The following KIRREL2 variants were observed in gnomAD, a reference collection of about 807,000 sequenced individuals.
KIRREL2 encodes the protein kin of IRRE-like protein 2.
KIRREL2 carries 56 observed loss-of-function variants against 73.4 expected under a neutral mutation model. The observed-to-expected ratio is 0.76, with a 90% CI of 0.62 to 0.95. KIRREL2 has a LOEUF of 0.95. Among genes scored for constraint, KIRREL2 ranks in the 40% least tolerant of loss-of-function variants. The pLI is 0.00. For synonymous variants in KIRREL2, 407 were observed against 404.0 expected, an observed-to-expected ratio of 1.01 and a Z score of -0.09; for missense variants, 896 against 935.0, an observed-to-expected ratio of 0.96 and a Z score of 0.54.
At chr19:35,859,712 G>A (rs1011107403) in intron 5 of KIRREL2, 81 bp downstream of exon 5, 1 of 1,515,360 alleles carries the variant, frequency 6.6e-7, no homozygotes, top group Non-Finnish European at 8.9e-7. Context: ...GTGGCCCTTG[G>A]GGAATGAGGA....
upstream of KIRREL2, chr19:35,856,067 C>T (rs1163253424): frequency 6.6e-6 from 1 of 152,314 alleles, no homozygotes; most frequent in African/African-American, 2.4e-5. The surrounding 1 kb of genome is among the most constrained non-coding windows in gnomAD (Gnocchi z 5.9). Context: ...CCAGTTCTTA[C>T]AGGTCCAGGA....
chr19:35,862,953 A>G lies in KIRREL2; in HGVS notation c.1642A>G (p.Asn548Asp). 1 of 1,584,150 alleles carries G rather than the reference A, an allele frequency of 6.3e-7. No individual in the cohort carries two copies. Among genetic ancestry groups the G allele is most frequent in the South Asian group, 1.2e-5 (1 of 86,438 alleles). Reference protein sequence around the residue: ...KASASFSEQKNLMRIPGSSDG... With the variant: ...KASASFSEQKDLMRIPGSSDG... ...CTCAGCCTCTTTCTCCGAGCAAAAGAACCTGATGCGAATCCCTGGCAGCAG... is the reference window on the plus strand; with the variant it reads ...CTCAGCCTCTTTCTCCGAGCAAAAGGACCTGATGCGAATCCCTGGCAGCAG... The change falls in exon 13 of 15, where the codon AAC becomes GAC. Residue 548 changes from asparagine to aspartate, a missense_variant. Asn to Asp is a conservative substitution (Grantham distance 23). Coordinates refer to ENST00000360202, the MANE Select transcript of KIRREL2 (RefSeq NM_199180.4).
chr19:35,858,025 A>C (rs1973505377), intron 2 of KIRREL2, among the ~76,000 whole-genome samples: 1 of 151,864 alleles, frequency 6.6e-6, no homozygotes, highest in South Asian at 2.1e-4. Flanking sequence ...AAATGCAAAA[A>C]AGTACAGTAA....
intron 12 of KIRREL2, 141 bp from the exon 13 acceptor site, chr19:35,862,786 C>A: frequency 1.5e-6 from 1 of 686,750 alleles, no homozygotes; most frequent in Non-Finnish European, 2.5e-6. Flanking sequence ...TCACACTCCT[C>A]GGTGGGAATG....
Position 35,862,019 on chromosome 19 carries a change from G to T in KIRREL2, c.1505G>T (p.Arg502Leu). 1 of 1,605,982 alleles carries T rather than the reference G, an allele frequency of 6.2e-7. No homozygotes were observed. Among genetic ancestry groups the T allele is most frequent in the Non-Finnish European group, 8.5e-7 (1 of 1,176,672 alleles). The change falls in exon 11 of 15, where the codon CGT becomes CTT. Residue 502 changes from arginine (R) to leucine (L), a missense_variant. Arg to Leu is a moderately radical substitution (Grantham distance 102, BLOSUM62 -2). Transcript: ENST00000360202. ...GEGGAQASLG[R>L]RDLLPTVRIV... ...GGAGGTGCCCAGGCCAGCCTGGGCC[G>T]TAGAGGTGAGACCCCAGCCCGAAGA...
chr19:35,862,582 T>C lies in KIRREL2; in HGVS notation c.1600T>C (p.Trp534Arg). ...MVITGVALCC[W>R]RHSKASASFS... The stretch of plus-strand genomic sequence containing the variant: ...CATCACTGGGGTGGCCCTCTGCTGC[T>C]GGCGCCACAGCAAGGGTTAGTGCCT... The change falls in exon 12 of 15, where the codon TGG becomes CGG. Residue 534 changes from tryptophan to arginine, a missense_variant. By Grantham distance (101) the Trp-to-Arg change is moderately radical. Transcript: ENST00000360202. 6.2e-7 allele frequency: 1 copy of C among 1,607,796 alleles called. No individual in the cohort carries two copies. Among genetic ancestry groups the C allele is most frequent in the South Asian group, 1.1e-5 (1 of 91,080 alleles).
rs762630821 is a variant in KIRREL2, at chr19:35,860,922, G to A, written c.942G>A (p.Leu314=). 1 of 1,613,756 alleles carries A rather than the reference G, an allele frequency of 6.2e-7. No homozygotes were observed. ...TALDVLFGPI[L]QAKPEPVSVD... Reference sequence around the variant, plus strand: ...TCTTTCGTCCAGTTGGGCCGATTCTGCAGGCAAAGCCGGAGCCCGTGTCCG... The same window carrying A: ...TCTTTCGTCCAGTTGGGCCGATTCTACAGGCAAAGCCGGAGCCCGTGTCCG... The change falls in exon 8 of 15, where the codon CTG becomes CTA. Residue 314 remains leucine (L), a synonymous_variant. Transcript: ENST00000360202.
rs758932437 is a variant in KIRREL2, at chr19:35,866,562, C to G, written c.*70C>G. ...TGGATTGTTCTGATTTCTGAGGAGC[C>G]AGGACAAGTTGGCGACCTTACTCCT... On this transcript the variant is annotated 3_prime_UTR_variant, in exon 15 of 15. Transcript: ENST00000360202. 1 of 1,605,624 alleles carries G rather than the reference C, an allele frequency of 6.2e-7. No individual in the cohort carries two copies. Among genetic ancestry groups the G allele is most frequent in the South Asian group, 1.1e-5 (1 of 89,926 alleles).
chr19:35,861,936 C>A lies in KIRREL2; in HGVS notation c.1422C>A (p.Thr474=). The A allele has an allele frequency of 6.2e-7, 1 of 1,612,970 alleles. No individual in the cohort carries two copies. The highest frequency in any genetic ancestry group is 8.5e-7 in the Non-Finnish European group (1 of 1,179,628). ...TCTCTGTGCTACACATTTCGGGGACCCAGGAGTCTGACTTTAGCAGGAGCT... is the reference window on the plus strand; with the variant it reads ...TCTCTGTGCTACACATTTCGGGGACACAGGAGTCTGACTTTAGCAGGAGCT... The part of the protein sequence containing the change: ...GLISVLHISG[T]QESDFSRSFN... Residue 474 remains threonine (T), a synonymous_variant, in exon 11 of 15, where the codon ACC becomes ACA. Coordinates refer to ENST00000360202, the MANE Select transcript of KIRREL2 (RefSeq NM_199180.4).
chr19:35,860,441 G>A, intron 6 of KIRREL2, 39 bp downstream of exon 6: 1 of 1,607,964 alleles, frequency 6.2e-7, no homozygotes, highest in Non-Finnish European at 8.5e-7. Context: ...CCCCAAGAGT[G>A]AGCTTGGGAA....
At chr19:35,857,920 C>G (rs1328345739) in intron 2 of KIRREL2, among the ~76,000 whole-genome samples, 1 of 151,274 alleles carries the variant, frequency 6.6e-6, no homozygotes. Context: ...ATTGCTTGAG[C>G]CTAGGAGTTC....
At chr19:35,853,080 C>T (rs1973316152), upstream of KIRREL2, among the ~76,000 whole-genome samples, 1 of 151,330 alleles carries the variant, frequency 6.6e-6, no homozygotes, top group Non-Finnish European at 1.5e-5. Flanking sequence ...CAGACATGAG[C>T]CACCGCACCT....
At chr19:35,862,468 A>G in intron 11 of KIRREL2, 25 bp from the exon 12 acceptor site, 3 of 1,572,984 alleles carry the variant, frequency 1.9e-6, no homozygotes, top group Non-Finnish European at 2.6e-6. Flanking sequence ...CAGCCTTCTC[A>G]GGATGTCCCC....
upstream of KIRREL2, among the ~76,000 whole-genome samples, chr19:35,855,636 C>G (rs1166953757): frequency 7.0e-6 from 1 of 143,302 alleles, no homozygotes; most frequent in East Asian, 2.1e-4. Flanking sequence ...GGCCACACTA[C>G]CCACCCCCGC....
upstream of KIRREL2, among the ~76,000 whole-genome samples, chr19:35,855,445 CT>C: frequency 6.6e-6 from 1 of 151,984 alleles, no homozygotes; most frequent in South Asian, 2.1e-4. Context: ...AGCCCCATGA[CT>C]TGAGTTCCTC....
At chr19:35,852,709 G>C (rs1050142468), upstream of KIRREL2, among the ~76,000 whole-genome samples, 1 of 152,084 alleles carries the variant, frequency 6.6e-6, no homozygotes, top group Non-Finnish European at 1.5e-5. Context: ...TGGTCTCCCA[G>C]CTCAGCAGGG....
chr19:35,860,136 C>A (rs1973599342), intron 5 of KIRREL2, among the ~76,000 whole-genome samples, 161 bp from the exon 6 acceptor site: 1 of 152,134 alleles, frequency 6.6e-6, no homozygotes, highest in South Asian at 2.1e-4. Context: ...ATTGAGGTAA[C>A]TGGGGAAATT....
Position 35,859,645 on chromosome 19 carries a change from G to A in KIRREL2, c.673+14G>A. 2 of 1,612,388 alleles carry A rather than the reference G, an allele frequency of 1.2e-6. No individual in the cohort carries two copies. The highest frequency in any genetic ancestry group is 1.3e-5 in the African/African-American group (1 of 75,026). ...TGAGCCTGCAGTGTGAGTGCAGCTGGCCCTGGGAAAGAGGGGTGTGGGGCC... is the reference window on the plus strand; with the variant it reads ...TGAGCCTGCAGTGTGAGTGCAGCTGACCCTGGGAAAGAGGGGTGTGGGGCC... On this transcript the variant is annotated intron_variant, in intron 5 of 14. Coordinates refer to ENST00000360202, the MANE Select transcript of KIRREL2 (RefSeq NM_199180.4).
At chr19:35,860,468 A>G in intron 6 of KIRREL2, 51 bp from the exon 7 acceptor site, 1 of 1,604,118 alleles carries the variant, frequency 6.2e-7, no homozygotes, top group Non-Finnish European at 8.5e-7. Context: ...GGACCTGAGT[A>G]GGTGTGCCAG....
Sources: gnomAD v4.1 joint callset for allele counts (sites outside exome capture counted in the v4.1 genomes callset) on GRCh38, gnomAD v4.1.1 for gene constraint, Gnocchi (gnomAD v3.1) non-coding constraint, MANE v1.5 for transcripts, NCBI Gene and HGNC (gene_info 2026-07-23, HGNC 2026-07-21) for gene names.